The following MPPE1 variants were observed in gnomAD, a reference collection of about 807,000 sequenced individuals.
MPPE1 encodes metallophosphoesterase 1, also known as metallo phosphoesterase.
A neutral mutation model predicts 43.8 loss-of-function variants in MPPE1; 28 were observed. That is an observed-to-expected ratio of 0.64 (90% CI 0.47 to 0.88). The LOEUF (loss-of-function observed/expected upper bound fraction) is 0.88, where lower values mean the gene tolerates loss of function less well. Ranked by LOEUF, MPPE1 falls within the 40% of genes least tolerant of loss-of-function variation. The pLI, the probability that MPPE1 is intolerant of heterozygous loss-of-function variation, is 0.00. For missense variants in MPPE1, 428 were observed against 492.2 expected (o/e 0.87, Z 1.23); for synonymous variants, 159 against 188.5 (o/e 0.84, Z 1.28).
chr18:11,885,782 C>T lies in MPPE1; in HGVS notation c.902G>A (p.Ser301Asn), dbSNP rs201590510. The T allele has an allele frequency of 6.2e-7, 1 of 1,612,664 alleles. No homozygotes were observed. The highest frequency in any genetic ancestry group is 8.5e-7 in the Non-Finnish European group (1 of 1,179,106). The change falls in exon 10 of 11, where the codon AGT becomes AAT. Residue 301 changes from serine to asparagine, a missense_variant. By Grantham distance (46) the Ser-to-Asn change is conservative. This residue lies in a region of MPPE1 where 379 missense variants were observed against 402.5 expected (regional missense o/e 0.94). Transcript: ENST00000588072. ...LWWLQPRLVLSGHTHSACEVH... is the reference protein window; with the variant it reads ...LWWLQPRLVLNGHTHSACEVH... The stretch of plus-strand genomic sequence containing the variant: ...CTCGCAGGCGCTGTGCGTGTGGCCA[C>T]TGAGAACCAGGCGCGGCTGGAGCCA...
At chr18:11,894,301 GC>G (rs1567951620) in intron 3 of MPPE1, among the ~76,000 whole-genome samples, 1 of 151,966 alleles carries the variant, frequency 6.6e-6, no homozygotes, top group Non-Finnish European at 1.5e-5. Context: ...GGTGGCATGC[GC>G]CTGTGGTACC....
In MPPE1 at chr18:11,889,588, G is replaced by T; in HGVS notation, c.391-98C>A. On this transcript the variant is annotated intron_variant, in intron 4 of 10. Coordinates refer to ENST00000588072, the MANE Select transcript of MPPE1 (RefSeq NM_023075.6). ...ATTTTGTTTTGCTTTTTTTTGAGAC[G>T]AGTCTGGCTCTGTCTCCAGGCTGAA... 10 of 833,932 alleles carry T rather than the reference G, an allele frequency of 1.2e-5. No individual in the cohort carries two copies. In the South Asian group the frequency reaches 1.8e-4, roughly 15 times the overall value. 51.7% of individuals were successfully genotyped at this position (833,932 alleles called of 1,614,324 possible).
chr18:11,893,394 G>T (rs1332319447), intron 4 of MPPE1, 74 bp downstream of exon 4: 19 of 1,037,816 alleles, frequency 1.8e-5, no homozygotes, highest in Non-Finnish European at 2.5e-5. Context: ...AGCTGACACT[G>T]ATTCGTGGAT....
chr18:11,886,712 C>T lies in MPPE1; in HGVS notation c.744+1G>A. ...ATGAGCCCTTTCCTCCCCCAGCTCA[C>T]CTGCAGGAGGACAGGGGCAGACGTG... is the stretch of plus-strand genomic sequence containing the variant. On this transcript the variant is annotated splice_donor_variant, in intron 8 of 10. Transcript: ENST00000588072. LOFTEE classifies it high-confidence loss of function. The surrounding 1 kb of genome is among the most constrained non-coding windows in gnomAD (Gnocchi z 4.1). The T allele has an allele frequency of 6.2e-7, 1 of 1,613,758 alleles. No individual in the cohort carries two copies. The highest frequency in any genetic ancestry group is 1.3e-5 in the African/African-American group (1 of 75,062).
Position 11,906,235 on chromosome 18 carries a change from T to C in MPPE1, c.-125A>G, listed in dbSNP as rs1464863038. ...TTTCCAGGAAAATCACCAAGTCACC[T>C]CATCTTTTAAAGACAGAGAGATTGG... On this transcript the variant is annotated 5_prime_UTR_variant, in exon 2 of 11. Transcript: ENST00000588072. 1 of 152,140 alleles carries C rather than the reference T, an allele frequency of 6.6e-6. No individual in the cohort carries two copies. Among genetic ancestry groups the C allele is most frequent in the Non-Finnish European group, 1.5e-5 (1 of 68,042 alleles). The allele number at this position is 152,140 out of a possible 1,614,324, so 9.4% of individuals were successfully genotyped here. A position where few individuals can be genotyped will look rare whatever the true frequency, so the allele number is the denominator to read the frequency against.
intron 1 of MPPE1, among the ~76,000 whole-genome samples, chr18:11,907,158 T>G (rs973995949): frequency 2.0e-5 from 3 of 152,188 alleles, no homozygotes; most frequent in Non-Finnish European, 4.4e-5. Flanking sequence ...ACACTTAACT[T>G]ACCTGGAGGC....
intron 3 of MPPE1, among the ~76,000 whole-genome samples, chr18:11,894,074 A>G (rs2038299108): frequency 6.6e-6 from 1 of 152,206 alleles, no homozygotes; most frequent in Non-Finnish European, 1.5e-5. Flanking sequence ...ATATCAAAAC[A>G]GGAAATCCTG....
chr18:11,884,312 T>C lies in MPPE1; in HGVS notation c.*133A>G. 1 of 828,340 alleles carries C rather than the reference T, an allele frequency of 1.2e-6. No homozygotes were observed. The highest frequency in any genetic ancestry group is 1.9e-6 in the Non-Finnish European group (1 of 515,642). The allele number at this position is 828,340 out of a possible 1,614,324, so 51.3% of individuals were successfully genotyped here. A position where few individuals can be genotyped will look rare whatever the true frequency, so the allele number is the denominator to read the frequency against. On this transcript the variant is annotated 3_prime_UTR_variant, in exon 11 of 11. Coordinates refer to ENST00000588072, the MANE Select transcript of MPPE1 (RefSeq NM_023075.6). ...AACTATTTATTTTGCAGTTACTCAT[T>C]TCAGTGATTGAGAATTTCTGTGCTG...
rs56796280 is a variant in MPPE1 at position 11,906,854 on chromosome 18, C to CAAA, written c.-199-548_-199-546dup. On this transcript the variant is annotated intron_variant, in intron 1 of 10. Coordinates refer to ENST00000588072, the MANE Select transcript of MPPE1 (RefSeq NM_023075.6). Reference sequence around the variant, plus strand: ...GGGCAACAAGAGCGAAACTCCGTCTCAAAAAAAAAAAAAAAAAATTTATCT... The same window carrying CAAA: ...GGGCAACAAGAGCGAAACTCCGTCTCAAAAAAAAAAAAAAAAAAAAATTTATCT... Among the ~76,000 whole-genome samples, 337 of 115,008 alleles carry CAAA rather than the reference C, an allele frequency of 2.9e-3. 4 individuals are homozygous for CAAA. The highest frequency in any genetic ancestry group is 9.3e-3 in the African/African-American group (313 of 33,508). 75.4% of individuals were successfully genotyped at this position (115,008 alleles called of 152,430 possible).
intron 2 of MPPE1, among the ~76,000 whole-genome samples, chr18:11,903,737 C>G (rs1452280421): frequency 6.6e-6 from 1 of 152,092 alleles, no homozygotes; most frequent in African/African-American, 2.4e-5. Context: ...ACCCAGGAGG[C>G]GGAGCTTGCA....
intron 2 of MPPE1, among the ~76,000 whole-genome samples, chr18:11,899,732 G>A (rs544071314): frequency 2.0e-5 from 3 of 152,208 alleles, no homozygotes; most frequent in East Asian, 3.9e-4. Context: ...ACTGACCAGA[G>A]ACCCTAACTG....
chr18:11,899,702 G>A (rs2038945510), intron 2 of MPPE1, among the ~76,000 whole-genome samples: 1 of 152,158 alleles, frequency 6.6e-6, no homozygotes, highest in Non-Finnish European at 1.5e-5. Context: ...AAGTCTTACG[G>A]GGTGGGAGCT....
chr18:11,887,183 G>A lies in MPPE1; in HGVS notation c.570-158C>T, dbSNP rs181448269. ...AATAATTTGGTGTATTTTTAAATAT[G>A]AGTCAATATTAACAAAAATAGCATT... On this transcript the variant is annotated intron_variant, in intron 6 of 10. Transcript: ENST00000588072. Among the ~76,000 whole-genome samples, 11 of 152,312 alleles carry A rather than the reference G, an allele frequency of 7.2e-5. No individual in the cohort carries two copies. In the East Asian group the frequency reaches 1.7e-3, roughly 24 times the overall value.
In MPPE1 at chr18:11,894,431, C is replaced by CAAAAA. The variant is rs66687820; in HGVS notation, c.282-860_282-856dup. Among the ~76,000 whole-genome samples the CAAAAA allele has an allele frequency of 4.0e-4, 26 of 65,130 alleles. 1 individual carries two copies. Among genetic ancestry groups the CAAAAA allele is most frequent in the South Asian group, 1.5e-3 (2 of 1,366 alleles). 42.7% of individuals were successfully genotyped at this position (65,130 alleles called of 152,430 possible). A position where few individuals can be genotyped will look rare whatever the true frequency, so the allele number is the denominator to read the frequency against. On this transcript the variant is annotated intron_variant, in intron 3 of 10. Coordinates refer to ENST00000588072, the MANE Select transcript of MPPE1 (RefSeq NM_023075.6). Reference sequence around the variant, plus strand: ...TGGGTGACAGAGCGAGACTCCATCTCAAAAAAAAAAAAAAAAAAAAAAAAC... The same window carrying CAAAAA: ...TGGGTGACAGAGCGAGACTCCATCTCAAAAAAAAAAAAAAAAAAAAAAAAAAAAAC...
At chr18:11,899,532 C>T (rs910484678) in intron 2 of MPPE1, among the ~76,000 whole-genome samples, 3 of 152,122 alleles carry the variant, frequency 2.0e-5, no homozygotes, top group African/African-American at 4.8e-5. Context: ...ATTTTGGAGA[C>T]CTCTGAAGAG....
At chr18:11,887,340 C>T (rs761533403) in intron 6 of MPPE1, among the ~76,000 whole-genome samples, 2 of 138,228 alleles carry the variant, frequency 1.4e-5, no homozygotes, top group East Asian at 2.2e-4. Flanking sequence ...TCTGTTACAG[C>T]GCCTCTTCCA....
intron 4 of MPPE1, chr18:11,891,544 T>G (rs922563328): frequency 1.1e-4 from 16 of 152,198 alleles, no homozygotes; most frequent in Non-Finnish European, 8.8e-5. Flanking sequence ...ACATAAAATG[T>G]TGCCCTTAAT....
chr18:11,906,746 C>G (rs1035852802), intron 1 of MPPE1, among the ~76,000 whole-genome samples: 12 of 151,452 alleles, frequency 7.9e-5, no homozygotes, highest in Admixed American at 4.6e-4. Context: ...CCCAGCTACT[C>G]GGGAGGCTGA....
chr18:11,897,197 A>T lies in MPPE1; in HGVS notation c.68T>A (p.Leu23Gln). 1 of 1,150,262 alleles carries T rather than the reference A, an allele frequency of 8.7e-7. No homozygotes were observed. Among genetic ancestry groups the T allele is most frequent in the Non-Finnish European group, 1.3e-6 (1 of 786,328 alleles). 71.3% of individuals were successfully genotyped at this position (1,150,262 alleles called of 1,614,324 possible). A position where few individuals can be genotyped will look rare whatever the true frequency, so the allele number is the denominator to read the frequency against. Residue 23 changes from leucine (L) to glutamine (Q), a missense_variant, in exon 3 of 11, where the codon CTG (leucine) becomes CAG (glutamine). This residue lies in a region of MPPE1 where 48 missense variants were observed against 73.5 expected (regional missense o/e 0.65). Coordinates refer to ENST00000588072, the MANE Select transcript of MPPE1 (RefSeq NM_023075.6). ...FHPLKRKSSL[L>Q]LKLIAVVFAV... The stretch of plus-strand genomic sequence containing the variant: ...AAAGACAACAGCTATGAGTTTCAAC[A>T]GCAATGAACTCTTCCTCTTTAATGG...
Sources: gnomAD v4.1 joint callset for allele counts (sites outside exome capture counted in the v4.1 genomes callset) on GRCh38, gnomAD v4.1.1 for gene constraint, gnomAD v4.1.1 regional missense constraint, Gnocchi (gnomAD v3.1) non-coding constraint, MANE v1.5 for transcripts, NCBI Gene and HGNC (gene_info 2026-07-23, HGNC 2026-07-21) for gene names.